Variants in MAPKBP1 observed in about 807,000 individuals in gnomAD.
MAPKBP1 encodes mitogen-activated protein kinase-binding protein 1.
MAPKBP1 carries 71 observed loss-of-function variants against 170.5 expected under a neutral mutation model. That is an observed-to-expected ratio of 0.42 (90% CI 0.34 to 0.51). MAPKBP1 has a LOEUF of 0.51. Among genes scored for constraint, MAPKBP1 ranks in the 20% least tolerant of loss-of-function variants. MAPKBP1 has a pLI of 0.06. For missense variants in MAPKBP1, 1,598 were observed against 1,933.0 expected (o/e 0.83, Z 3.25); for synonymous variants, 719 against 757.9 (o/e 0.95, Z 0.84).
At chr15:41,782,092 CA>C (rs58449893) in intron 2 of MAPKBP1, among the ~76,000 whole-genome samples, 80,444 of 111,210 alleles carry the variant, frequency 0.72, 28,327 homozygotes, top group East Asian at 0.84. Flanking sequence ...ACTAAAAATA[CA>C]AAAAAAAAAA....
rs1256136968 is a variant in MAPKBP1 at position 41,811,236 on chromosome 15, G to A, written c.327+1G>A. The A allele has an allele frequency of 2.5e-6, 4 of 1,614,262 alleles. No homozygotes were observed. Among genetic ancestry groups the A allele is most frequent in the Non-Finnish European group, 3.4e-6 (4 of 1,180,044 alleles). ...TGGCAAGTACTTGGTCACTGGAGAGGTGAGTGAGGAAGAGGGCTGGCAGTA... is the reference window on the plus strand; with the variant it reads ...TGGCAAGTACTTGGTCACTGGAGAGATGAGTGAGGAAGAGGGCTGGCAGTA... On this transcript the variant is annotated splice_donor_variant, in intron 5 of 30. Transcript: ENST00000457542. LOFTEE classifies it high-confidence loss of function.
chr15:41,786,535 C>T (rs570818842), intron 2 of MAPKBP1, among the ~76,000 whole-genome samples: 119 of 151,440 alleles, frequency 7.9e-4, no homozygotes, highest in Admixed American at 1.3e-3. Flanking sequence ...GAGGCCAAGG[C>T]GGGCGGATCA....
intron 2 of MAPKBP1, among the ~76,000 whole-genome samples, chr15:41,776,725 A>G (rs2064104589): frequency 6.6e-6 from 1 of 152,246 alleles, no homozygotes; most frequent in Admixed American, 6.5e-5. Context: ...GGAATGATAT[A>G]TGTAGTAGAA....
intron 8 of MAPKBP1, chr15:41,813,366 T>A: frequency 6.6e-7 from 1 of 1,523,922 alleles, no homozygotes; most frequent in Non-Finnish European, 9.1e-7. Context: ...TGCCTGCACC[T>A]TCCTCTCTTT....
intron 2 of MAPKBP1, among the ~76,000 whole-genome samples, chr15:41,785,111 A>G (rs1159374697): frequency 6.6e-6 from 1 of 152,192 alleles, no homozygotes; most frequent in Non-Finnish European, 1.5e-5. Context: ...GGTTGCTAAT[A>G]CTATCAGTGT....
Position 41,817,051 on chromosome 15 carries a change from A to T in MAPKBP1, c.1711+16A>T. On this transcript the variant is annotated intron_variant, in intron 14 of 30. Coordinates refer to ENST00000457542, the MANE Select transcript of MAPKBP1 (RefSeq NM_014994.3). The surrounding 1 kb of genome is among the most constrained non-coding windows in gnomAD (Gnocchi z 4.2). ...AAGTTTGCAGGTGCGGGCAGGGTGA[A>T]TGAGACACATCCTGCCACTCTCACC... 6.4e-7 allele frequency: 1 copy of T among 1,568,026 alleles called. No homozygotes were observed. The highest frequency in any genetic ancestry group is 1.8e-5 in the Admixed American group (1 of 55,966).
At chr15:41,799,011 A>C (rs935249035) in intron 2 of MAPKBP1, among the ~76,000 whole-genome samples, 1 of 152,194 alleles carries the variant, frequency 6.6e-6, no homozygotes, top group Non-Finnish European at 1.5e-5. Flanking sequence ...CTCACTTGGC[A>C]TCATCTAGCA....
At chr15:41,799,679 G>A in intron 2 of MAPKBP1, 144 bp from the exon 3 acceptor site, 1 of 621,564 alleles carries the variant, frequency 1.6e-6, no homozygotes, top group Non-Finnish European at 2.9e-6. Context: ...AACAGAAGAA[G>A]CTGCAGAAGT....
intron 1 of MAPKBP1, 118 bp downstream of exon 1, chr15:41,774,728 G>C (rs1051586485): frequency 1.0e-5 from 4 of 399,746 alleles, no homozygotes; most frequent in South Asian, 1.3e-4. Context: ...GATAGGGAGT[G>C]GGGGAGGGAG....
At chr15:41,819,547 C>CGGGA in intron 21 of MAPKBP1, 48 bp from the exon 22 acceptor site, 2 of 1,228,204 alleles carry the variant, frequency 1.6e-6, no homozygotes, top group Non-Finnish European at 2.2e-6. Flanking sequence ...GGTTGGGTGG[C>CGGGA]GGGGGGGGGG....
Position 41,817,114 on chromosome 15 carries a change from C to A in MAPKBP1, c.1711+79C>A. ...TGCCTCCCACCTCCATGAGAAGGGT[C>A]TGCCCATTGTGGGGGAGTGTTGGAC... On this transcript the variant is annotated intron_variant, in intron 14 of 30. Coordinates refer to ENST00000457542, the MANE Select transcript of MAPKBP1 (RefSeq NM_014994.3). This position sits in a 1 kb window ranked among gnomAD's most constrained non-coding sequence, Gnocchi z 4.2. 1 of 1,525,112 alleles carries A rather than the reference C, an allele frequency of 6.6e-7. No individual in the cohort carries two copies. Among genetic ancestry groups the A allele is most frequent in the Admixed American group, 2.0e-5 (1 of 49,368 alleles). The allele number at this position is 1,525,112 out of a possible 1,614,324, so 94.5% of individuals were successfully genotyped here.
At chr15:41,808,601 A>C (rs1596083575) in intron 3 of MAPKBP1, among the ~76,000 whole-genome samples, 4 of 143,224 alleles carry the variant, frequency 2.8e-5, no homozygotes, top group East Asian at 2.2e-4. Flanking sequence ...TCAGCCTCCC[A>C]AGTAGCTGGG....
chr15:41,827,823 A>G lies in MAPKBP1; in HGVS notation c.*2387A>G. The G allele has an allele frequency of 2.7e-6, 1 of 364,668 alleles. No individual in the cohort carries two copies. Among genetic ancestry groups the G allele is most frequent in the Non-Finnish European group, 4.9e-6 (1 of 202,842 alleles). The allele number at this position is 364,668 out of a possible 1,614,324, so 22.6% of individuals were successfully genotyped here. ...TTAACGTGCCCGTTTGTACTGATGT[A>G]TGAACTTGTCAATAAACACAATTGT... On this transcript the variant is annotated 3_prime_UTR_variant, in exon 31 of 31. Coordinates refer to ENST00000457542, the MANE Select transcript of MAPKBP1 (RefSeq NM_014994.3).
chr15:41,779,738 CA>C (rs2064153357), intron 2 of MAPKBP1, among the ~76,000 whole-genome samples: 1 of 152,202 alleles, frequency 6.6e-6, no homozygotes, highest in African/African-American at 2.4e-5. Context: ...CTGAGTTCTC[CA>C]CATAGAATAG....
Position 41,817,117 on chromosome 15 carries a change from C to T in MAPKBP1, c.1711+82C>T. Reference sequence around the variant, plus strand: ...CTCCCACCTCCATGAGAAGGGTCTGCCCATTGTGGGGGAGTGTTGGACAGC... The same window carrying T: ...CTCCCACCTCCATGAGAAGGGTCTGTCCATTGTGGGGGAGTGTTGGACAGC... On this transcript the variant is annotated intron_variant, in intron 14 of 30. Transcript: ENST00000457542. This position sits in a 1 kb window ranked among gnomAD's most constrained non-coding sequence, Gnocchi z 4.2. 2 of 1,523,124 alleles carry T rather than the reference C, an allele frequency of 1.3e-6. No individual in the cohort carries two copies. The highest frequency in any genetic ancestry group is 2.6e-5 in the South Asian group (2 of 77,150). The allele number at this position is 1,523,124 out of a possible 1,614,324, so 94.4% of individuals were successfully genotyped here.
chr15:41,814,917 G>A (rs1336053403), intron 10 of MAPKBP1, among the ~76,000 whole-genome samples, 178 bp downstream of exon 10: 2 of 152,184 alleles, frequency 1.3e-5, no homozygotes, highest in Admixed American at 6.5e-5. Flanking sequence ...CTTCCCCAGT[G>A]TGCCCCATCC....
At chr15:41,806,974 T>C (rs1179018839) in intron 3 of MAPKBP1, among the ~76,000 whole-genome samples, 1 of 152,240 alleles carries the variant, frequency 6.6e-6, no homozygotes, top group Non-Finnish European at 1.5e-5. Flanking sequence ...TTATCGTCCC[T>C]GCATGTGTAG....
chr15:41,825,551 C>A lies in MAPKBP1; in HGVS notation c.*115C>A. The A allele has an allele frequency of 1.1e-6, 1 of 928,746 alleles. No homozygotes were observed. Among genetic ancestry groups the A allele is most frequent in the Non-Finnish European group, 1.6e-6 (1 of 635,484 alleles). 57.5% of individuals were successfully genotyped at this position (928,746 alleles called of 1,614,324 possible). On this transcript the variant is annotated 3_prime_UTR_variant, in exon 31 of 31. Coordinates refer to ENST00000457542, the MANE Select transcript of MAPKBP1 (RefSeq NM_014994.3). Reference sequence around the variant, plus strand: ...GGAGTGGAAAGCAGGGAGCAGTGTTCAGAGGCAAAGCAGCCTTCCCAGCCG... The same window carrying A: ...GGAGTGGAAAGCAGGGAGCAGTGTTAAGAGGCAAAGCAGCCTTCCCAGCCG...
intron 2 of MAPKBP1, among the ~76,000 whole-genome samples, chr15:41,781,670 C>T (rs1372455129): frequency 6.6e-6 from 1 of 152,006 alleles, no homozygotes; most frequent in African/African-American, 2.4e-5. Context: ...GTCTGCCCCT[C>T]TGTTTATAAT....
Sources: gnomAD v4.1 joint callset for allele counts (sites outside exome capture counted in the v4.1 genomes callset) on GRCh38, gnomAD v4.1.1 for gene constraint, Gnocchi (gnomAD v3.1) non-coding constraint, MANE v1.5 for transcripts, NCBI Gene and HGNC (gene_info 2026-07-23, HGNC 2026-07-21) for gene names.